Variants in ZSCAN5A observed in about 807,000 individuals in gnomAD.
The protein encoded by ZSCAN5A is zinc finger and SCAN domain containing 5A, also known as zinc finger and SCAN domain-containing protein 5A.
ZSCAN5A carries 12 observed loss-of-function variants against 23.7 expected under a neutral mutation model. That is an observed-to-expected ratio of 0.51 (90% CI 0.32 to 0.82). The LOEUF (loss-of-function observed/expected upper bound fraction) is 0.82. Among genes scored for constraint, ZSCAN5A ranks in the 40% least tolerant of loss-of-function variants. The pLI, the probability that ZSCAN5A is intolerant of heterozygous loss-of-function variation, is 0.03. For synonymous variants in ZSCAN5A, 257 were observed against 239.9 expected, an observed-to-expected ratio of 1.07 and a Z score of -0.66; for missense variants, 597 against 617.9, an observed-to-expected ratio of 0.97 and a Z score of 0.36.
At chr19:56,304,303 G>C (rs1235947896) in intron 2 of ZSCAN5A, among the ~76,000 whole-genome samples, 1 of 152,242 alleles carries the variant, frequency 6.6e-6, no homozygotes, top group Non-Finnish European at 1.5e-5. Flanking sequence ...AGATGAGCCT[G>C]AGACAGTGAC....
At chr19:56,232,658 T>C (rs2034565599) in intron 2 of ZSCAN5A, among the ~76,000 whole-genome samples, 1 of 151,994 alleles carries the variant, frequency 6.6e-6, no homozygotes, top group African/African-American at 2.4e-5. Flanking sequence ...CCTTCCCCTA[T>C]ATAGGCTAAT....
intron 2 of ZSCAN5A, among the ~76,000 whole-genome samples, chr19:56,339,102 T>A (rs1346765137): frequency 6.6e-6 from 1 of 152,276 alleles, no homozygotes; most frequent in East Asian, 1.9e-4. Context: ...TTGTGAGACA[T>A]ATGACAGCAA....
intron 2 of ZSCAN5A, among the ~76,000 whole-genome samples, chr19:56,261,000 G>A (rs2037087451): frequency 6.6e-6 from 1 of 152,078 alleles, no homozygotes; most frequent in Admixed American, 6.5e-5. Context: ...CTGAGGTCAG[G>A]AGTTCAAGAC....
At chr19:56,342,532 G>C in intron 2 of ZSCAN5A, 1 of 348,306 alleles carries the variant, frequency 2.9e-6, no homozygotes, top group South Asian at 3.3e-5. Flanking sequence ...AGGAAGAATG[G>C]ACCACCCACT....
At chr19:56,256,898 T>C (rs1257801811) in intron 2 of ZSCAN5A, among the ~76,000 whole-genome samples, 1 of 150,396 alleles carries the variant, frequency 6.6e-6, no homozygotes, top group Non-Finnish European at 1.5e-5. Flanking sequence ...TTGCAGATAG[T>C]GGTGAAAAAA....
rs373606524 is a variant in ZSCAN5A at position 56,222,674 on chromosome 19, T to G, written c.656A>C (p.Gln219Pro). 4 of 1,614,094 alleles carry G rather than the reference T, an allele frequency of 2.5e-6. No individual in the cohort carries two copies. The highest frequency in any genetic ancestry group is 4.5e-5 in the East Asian group (2 of 44,892). ...TGDPKSLRPK[Q>P]TLEKDLKENR... ...TTCCTTCAGATCCTTCTCCAAGGTCTGCTTGGGTCTCAGAGACTTTGGGTC... is the reference window on the plus strand; with the variant it reads ...TTCCTTCAGATCCTTCTCCAAGGTCGGCTTGGGTCTCAGAGACTTTGGGTC... Residue 219 changes from glutamine (Q) to proline (P), a missense_variant, in exon 5 of 6, where the codon CAG (glutamine) becomes CCG (proline). Gln to Pro is a moderately conservative substitution (Grantham distance 76). This residue lies in a region of ZSCAN5A where 406 missense variants were observed against 353.2 expected (regional missense o/e 1.15). Transcript: ENST00000683990.
chr19:56,267,076 T>A (rs2037531561), intron 2 of ZSCAN5A, among the ~76,000 whole-genome samples: 2 of 152,112 alleles, frequency 1.3e-5, no homozygotes, highest in African/African-American at 2.4e-5. Flanking sequence ...TTACCCCAGA[T>A]CTTCATTAGG....
At chr19:56,362,428 G>C (rs2041739805) in intron 2 of ZSCAN5A, among the ~76,000 whole-genome samples, 1 of 152,026 alleles carries the variant, frequency 6.6e-6, no homozygotes, top group East Asian at 1.9e-4. Context: ...AATCAGCCGG[G>C]CATGGAGGCA....
chr19:56,285,477 T>C (rs1196108226), intron 2 of ZSCAN5A, among the ~76,000 whole-genome samples: 3 of 152,226 alleles, frequency 2.0e-5, no homozygotes, highest in Non-Finnish European at 4.4e-5. Flanking sequence ...TTCAAATACC[T>C]GAGAAATGCT....
chr19:56,332,492 T>C (rs2041498488), intron 2 of ZSCAN5A, among the ~76,000 whole-genome samples: 1 of 152,252 alleles, frequency 6.6e-6, no homozygotes, highest in Admixed American at 6.5e-5. Flanking sequence ...TGCTCTTTTT[T>C]GTTTTCCATT....
chr19:56,335,131 A>G (rs144333565), intron 2 of ZSCAN5A, among the ~76,000 whole-genome samples: 99 of 152,350 alleles, frequency 6.5e-4, no homozygotes, highest in African/African-American at 2.4e-3. Flanking sequence ...AAAACACAAT[A>G]AAAGAATGTT....
chr19:56,260,889 G>T (rs2037077226), intron 2 of ZSCAN5A, among the ~76,000 whole-genome samples: 1 of 152,138 alleles, frequency 6.6e-6, no homozygotes, highest in Non-Finnish European at 1.5e-5. Flanking sequence ...CCAACTGCAA[G>T]AAACTGTTAC....
intron 2 of ZSCAN5A, chr19:56,298,102 G>A (rs2039997150): frequency 6.6e-6 from 1 of 150,454 alleles, no homozygotes; most frequent in African/African-American, 2.4e-5. Context: ...AACACTAATG[G>A]TTGGTTCTTT....
intron 2 of ZSCAN5A, among the ~76,000 whole-genome samples, chr19:56,229,722 T>C (rs1378627991): frequency 6.6e-6 from 1 of 152,212 alleles, no homozygotes; most frequent in Admixed American, 6.5e-5. Context: ...TCACATTCTA[T>C]GAACATGGCT....
chr19:56,238,410 T>G (rs1034145087), intron 2 of ZSCAN5A, among the ~76,000 whole-genome samples: 3 of 152,284 alleles, frequency 2.0e-5, no homozygotes, highest in South Asian at 4.2e-4. Flanking sequence ...CAAGGACAGG[T>G]AGAGGCCAGG....
intron 2 of ZSCAN5A, among the ~76,000 whole-genome samples, chr19:56,301,021 C>T (rs2040192299): frequency 6.6e-6 from 1 of 152,094 alleles, no homozygotes; most frequent in Admixed American, 6.5e-5. Context: ...CCATCAAGAG[C>T]AGAGCCTGAA....
At chr19:56,255,183 G>A (rs1422062054) in intron 2 of ZSCAN5A, among the ~76,000 whole-genome samples, 1 of 152,060 alleles carries the variant, frequency 6.6e-6, no homozygotes, top group African/African-American at 2.4e-5. Flanking sequence ...TGCTCCCATT[G>A]GAAACAGGAA....
chr19:56,228,181 C>T, intron 2 of ZSCAN5A: 2 of 982,590 alleles, frequency 2.0e-6, no homozygotes, highest in Non-Finnish European at 2.4e-6. Context: ...AAAAATAAAC[C>T]CAAACTTTCT....
chr19:56,279,487 T>A (rs10419598), intron 2 of ZSCAN5A, among the ~76,000 whole-genome samples: 118,999 of 152,120 alleles, frequency 0.78, 47,994 homozygotes, highest in Non-Finnish European at 0.89. Flanking sequence ...GATAAAAGGA[T>A]CCAATATTAA....
Sources: gnomAD v4.1 joint callset for allele counts (sites outside exome capture counted in the v4.1 genomes callset) on GRCh38, gnomAD v4.1.1 for gene constraint, gnomAD v4.1.1 regional missense constraint, MANE v1.5 for transcripts, NCBI Gene and HGNC (gene_info 2026-07-23, HGNC 2026-07-21) for gene names.